The following IDO2 variants were observed in gnomAD, a reference collection of about 807,000 sequenced individuals.
IDO2 encodes indoleamine 2,3-dioxygenase 2.
A neutral mutation model predicts 45.1 loss-of-function variants in IDO2; 46 were observed. The ratio of observed to expected loss-of-function variants is 1.02; its 90% CI spans 0.80 to 1.30. The LOEUF (loss-of-function observed/expected upper bound fraction) is 1.30, where lower values mean the gene tolerates loss of function less well. Among genes scored for constraint, IDO2 ranks in the 50% most tolerant of loss-of-function variants. The pLI is 0.00. For synonymous variants in IDO2, 218 were observed against 184.9 expected (o/e 1.18, Z -1.45); for missense variants, 544 against 491.8 (o/e 1.11, Z -1.00).
intron 4 of IDO2, among the ~76,000 whole-genome samples, chr8:39,981,422 C>T (rs529307688): frequency 6.6e-6 from 1 of 152,234 alleles, no homozygotes; most frequent in East Asian, 1.9e-4. Context: ...CCAGTGGGTC[C>T]TCTTTATACC....
intron 4 of IDO2, among the ~76,000 whole-genome samples, chr8:39,981,734 A>G (rs1334949071): frequency 6.6e-6 from 1 of 152,184 alleles, no homozygotes; most frequent in Admixed American, 6.5e-5. Context: ...GGGAAAAATG[A>G]AGACAAAAGC....
intron 8 of IDO2, among the ~76,000 whole-genome samples, chr8:40,001,830 A>G (rs1802142317): frequency 1.3e-5 from 2 of 152,042 alleles, no homozygotes; most frequent in South Asian, 4.2e-4. Context: ...TTTGTTGTCC[A>G]GGCTGGAGTG....
chr8:40,003,675 G>C (rs1488106015), intron 8 of IDO2, among the ~76,000 whole-genome samples: 1 of 151,948 alleles, frequency 6.6e-6, no homozygotes, highest in Non-Finnish European at 1.5e-5. Context: ...CATATTGTTT[G>C]AGTAGCATGC....
chr8:39,994,326 C>G (rs1216195229), intron 8 of IDO2, among the ~76,000 whole-genome samples: 1 of 150,520 alleles, frequency 6.6e-6, no homozygotes, highest in Admixed American at 6.6e-5. Flanking sequence ...GGCGCCATCT[C>G]GGTTCACCAC....
chr8:39,982,806 C>A, intron 5 of IDO2, 36 bp downstream of exon 5: 3 of 1,327,876 alleles, frequency 2.3e-6, no homozygotes, highest in Non-Finnish European at 3.1e-6. Context: ...ATTTCCATAA[C>A]TTTCCCCCAG....
At chr8:40,004,991 T>C (rs577648769) in intron 8 of IDO2, among the ~76,000 whole-genome samples, 2 of 152,342 alleles carry the variant, frequency 1.3e-5, no homozygotes, top group African/African-American at 4.8e-5. Flanking sequence ...GCTTTTCTTC[T>C]TTTCCCTTCC....
intron 8 of IDO2, among the ~76,000 whole-genome samples, chr8:39,993,122 C>T (rs1024805279): frequency 1.3e-5 from 2 of 152,154 alleles, no homozygotes; most frequent in African/African-American, 4.8e-5. Context: ...TCCAGTCCTT[C>T]TTTGGAGCTG....
chr8:39,961,489 A>C (rs937828341), intron 2 of IDO2, among the ~76,000 whole-genome samples: 10 of 151,102 alleles, frequency 6.6e-5, no homozygotes, highest in African/African-American at 2.4e-4. Flanking sequence ...CGCCTGCCTA[A>C]TTTTTTATTT....
intron 2 of IDO2, among the ~76,000 whole-genome samples, chr8:39,958,801 T>C (rs1020320102): frequency 6.7e-6 from 1 of 149,526 alleles, no homozygotes. Context: ...TATGCTACTT[T>C]CTTAGCCAAA....
At chr8:39,984,011 C>T (rs1409390988) in intron 5 of IDO2, among the ~76,000 whole-genome samples, 2 of 151,398 alleles carry the variant, frequency 1.3e-5, no homozygotes, top group African/African-American at 4.9e-5. Context: ...TGGGTGACTA[C>T]TGAAAGCTGC....
intron 8 of IDO2, among the ~76,000 whole-genome samples, chr8:39,998,748 C>G (rs1213949712): frequency 6.9e-6 from 1 of 145,506 alleles, no homozygotes; most frequent in Admixed American, 7.1e-5. Flanking sequence ...TCAAGCAATT[C>G]TCGTGCCTCA....
rs138004689 is a variant in IDO2, at chr8:40,006,643, ATTATT to A, written c.719+1293_719+1297del. Among the ~76,000 whole-genome samples the A allele has an allele frequency of 4.9e-3, 725 of 146,826 alleles. 6 individuals carry two copies. Among genetic ancestry groups the A allele is most frequent in the African/African-American group, 0.015 (606 of 39,870 alleles). On this transcript the variant is annotated intron_variant, in intron 9 of 10. Transcript: ENST00000502986. The stretch of plus-strand genomic sequence containing the variant: ...ATTTCTTCACATAGAGAACTCTACT[ATTATT>A]TTATTTTATTTTATTTTATTTTATT...
At chr8:40,009,222 C>A (rs1224158698) in intron 9 of IDO2, among the ~76,000 whole-genome samples, 4 of 152,120 alleles carry the variant, frequency 2.6e-5, no homozygotes, top group Non-Finnish European at 5.9e-5. Context: ...GCCCTGTGGG[C>A]CAGGCTGTTC....
chr8:39,995,809 T>C (rs1311321885), intron 8 of IDO2, among the ~76,000 whole-genome samples: 1 of 116,506 alleles, frequency 8.6e-6, no homozygotes, highest in Non-Finnish European at 2.0e-5. Context: ...GGGTGAGAAG[T>C]GACCAGAAGA....
At chr8:39,948,282 A>G (rs551522191) in intron 1 of IDO2, among the ~76,000 whole-genome samples, 1 of 152,336 alleles carries the variant, frequency 6.6e-6, no homozygotes, top group African/African-American at 2.4e-5. Context: ...TATGTTGCTC[A>G]AACTACATAC....
At chr8:39,956,351 C>G (rs181005859) in intron 2 of IDO2, among the ~76,000 whole-genome samples, 1 of 152,284 alleles carries the variant, frequency 6.6e-6, no homozygotes, top group Non-Finnish European at 1.5e-5. Flanking sequence ...CATGAGCCAC[C>G]ACACGCAGCC....
intron 8 of IDO2, chr8:39,995,324 AGGCTG>A (rs1802026233): frequency 6.8e-6 from 1 of 147,828 alleles, no homozygotes; most frequent in African/African-American, 2.5e-5. Flanking sequence ...TCTGTTGCCC[AGGCTG>A]GAGTGCAGTG....
intron 9 of IDO2, among the ~76,000 whole-genome samples, chr8:40,006,771 C>G (rs2129595399): frequency 6.6e-6 from 1 of 152,202 alleles, no homozygotes; most frequent in Non-Finnish European, 1.5e-5. Flanking sequence ...AACTACTCTC[C>G]TGCCTCAGCC....
At chr8:39,956,439 A>G (rs1468923351) in intron 2 of IDO2, among the ~76,000 whole-genome samples, 1 of 152,212 alleles carries the variant, frequency 6.6e-6, no homozygotes, top group Non-Finnish European at 1.5e-5. Flanking sequence ...TCTTCAGACT[A>G]CAGACATTTT....
Sources: allele counts gnomAD v4.1 joint callset (sites outside exome capture counted in the v4.1 genomes callset), GRCh38; gene constraint gnomAD v4.1.1; transcripts MANE v1.5; gene names NCBI Gene and HGNC (gene_info 2026-07-23, HGNC 2026-07-21).